Variants in ALDH1A2 observed in about 807,000 individuals in gnomAD.
ALDH1A2 encodes aldehyde dehydrogenase 1 family member A2.
ALDH1A2 carries 27 observed loss-of-function variants against 60.3 expected under a neutral mutation model. The ratio of observed to expected loss-of-function variants is 0.45; its 90% CI spans 0.33 to 0.62. The LOEUF (loss-of-function observed/expected upper bound fraction) is 0.62, where lower values mean the gene tolerates loss of function less well. Among genes scored for constraint, ALDH1A2 ranks in the 20% least tolerant of loss-of-function variants. The pLI, the probability that ALDH1A2 is intolerant of heterozygous loss-of-function variation, is 0.02. For synonymous variants in ALDH1A2, 289 were observed against 232.4 expected, an observed-to-expected ratio of 1.24 and a Z score of -2.21; for missense variants, 581 against 643.8, an observed-to-expected ratio of 0.90 and a Z score of 1.06.
chr15:58,004,245 T>A (rs1471126042), intron 4 of ALDH1A2, among the ~76,000 whole-genome samples: 1 of 151,858 alleles, frequency 6.6e-6, no homozygotes, highest in Non-Finnish European at 1.5e-5. Context: ...GTGAAATCTA[T>A]CCTTTATGGG....
chr15:58,048,557 C>G (rs1375429834), intron 1 of ALDH1A2, among the ~76,000 whole-genome samples: 1 of 151,988 alleles, frequency 6.6e-6, no homozygotes, highest in Non-Finnish European at 1.5e-5. Context: ...GGGATCTGCC[C>G]CTTTCCCAGA....
chr15:58,011,834 A>G (rs186460333), intron 3 of ALDH1A2, among the ~76,000 whole-genome samples: 1 of 152,250 alleles, frequency 6.6e-6, no homozygotes, highest in Non-Finnish European at 1.5e-5. Flanking sequence ...ATATGTTTAC[A>G]AGATAGGCAT....
At chr15:57,981,459 A>C (rs186606979) in intron 7 of ALDH1A2, among the ~76,000 whole-genome samples, 1 of 152,322 alleles carries the variant, frequency 6.6e-6, no homozygotes, top group Non-Finnish European at 1.5e-5. Flanking sequence ...TATTATTTGC[A>C]AATGGAAGTT....
chr15:57,999,573 C>T (rs1895188431), intron 4 of ALDH1A2, among the ~76,000 whole-genome samples: 1 of 151,868 alleles, frequency 6.6e-6, no homozygotes. Flanking sequence ...AATAGGAACA[C>T]TGTTCCTATT....
In ALDH1A2 at chr15:57,992,927, G is replaced by C; in HGVS notation, c.684+18C>G. 1 of 1,614,060 alleles carries C rather than the reference G, an allele frequency of 6.2e-7. No individual in the cohort carries two copies. The highest frequency in any genetic ancestry group is 1.1e-5 in the South Asian group (1 of 91,082). ...TGTAAGGGGAGTCAGAAGCACTCCC[G>C]AAGTCCGTTTCTCTTACCTCCTTGA... On this transcript the variant is annotated intron_variant, in intron 6 of 12. Coordinates refer to ENST00000249750, the MANE Select transcript of ALDH1A2 (RefSeq NM_003888.4).
chr15:57,959,702 G>A (rs1269118730), intron 12 of ALDH1A2, among the ~76,000 whole-genome samples: 1 of 152,180 alleles, frequency 6.6e-6, no homozygotes, highest in Non-Finnish European at 1.5e-5. Context: ...CTTAGATTAA[G>A]TAATTTGTCC....
intron 4 of ALDH1A2, among the ~76,000 whole-genome samples, chr15:58,009,232 C>G (rs1895552740): frequency 6.6e-6 from 1 of 152,064 alleles, no homozygotes; most frequent in Admixed American, 6.6e-5. Context: ...TAACTTGGTT[C>G]TGCTGCATCC....
At chr15:58,016,955 G>T (rs1440199717) in intron 1 of ALDH1A2, among the ~76,000 whole-genome samples, 1 of 152,056 alleles carries the variant, frequency 6.6e-6, no homozygotes. Flanking sequence ...TGCCCATAAT[G>T]GGATAAAGAA....
chr15:57,961,293 A>G lies in ALDH1A2; in HGVS notation c.1253T>C (p.Ile418Thr). The G allele has an allele frequency of 2.5e-6, 4 of 1,613,816 alleles. No individual in the cohort carries two copies. The highest frequency in any genetic ancestry group is 3.4e-6 in the Non-Finnish European group (4 of 1,179,986). Residue 418 changes from isoleucine to threonine, a missense_variant and splice_region_variant, in exon 11 of 13, where the codon ATC becomes ACC. By Grantham distance (89) the Ile-to-Thr change is moderately conservative. Coordinates refer to ENST00000249750, the MANE Select transcript of ALDH1A2 (RefSeq NM_003888.4). The stretch of plus-strand genomic sequence containing the variant: ...CAAAATTTCCTGAACAGGGCCAAAG[A>G]TCTGCAAAAAGATAATATGACTCAA... ...TDDMRIAKEE[I>T]FGPVQEILRF...
At chr15:58,053,201 A>C (rs962247185) in intron 1 of ALDH1A2, among the ~76,000 whole-genome samples, 1 of 152,164 alleles carries the variant, frequency 6.6e-6, no homozygotes, top group Non-Finnish European at 1.5e-5. Flanking sequence ...TAAAGTTCGA[A>C]ATAAACCTAA....
At chr15:58,051,051 T>C (rs1313063773) in intron 1 of ALDH1A2, among the ~76,000 whole-genome samples, 1 of 152,160 alleles carries the variant, frequency 6.6e-6, no homozygotes, top group African/African-American at 2.4e-5. Context: ...TTTTTACATA[T>C]CTGTTGATAT....
chr15:57,995,829 T>C (rs1895043347), intron 4 of ALDH1A2, among the ~76,000 whole-genome samples: 1 of 152,166 alleles, frequency 6.6e-6, no homozygotes, highest in South Asian at 2.1e-4. Flanking sequence ...AACCTTGTTT[T>C]CCTTACAGGA....
intron 4 of ALDH1A2, among the ~76,000 whole-genome samples, chr15:57,999,709 C>T (rs1432064938): frequency 2.6e-5 from 4 of 152,034 alleles, no homozygotes; most frequent in Non-Finnish European, 4.4e-5. Flanking sequence ...AGTCCCATTA[C>T]TGAGTATATA....
At chr15:57,957,800 T>C (rs1211044166) in intron 12 of ALDH1A2, among the ~76,000 whole-genome samples, 1 of 152,128 alleles carries the variant, frequency 6.6e-6, no homozygotes, top group Non-Finnish European at 1.5e-5. Context: ...AGAGTTTCTG[T>C]TTAGGGTATA....
At chr15:57,995,818 T>C (rs962377606) in intron 4 of ALDH1A2, among the ~76,000 whole-genome samples, 2 of 152,148 alleles carry the variant, frequency 1.3e-5, no homozygotes, top group Admixed American at 1.3e-4. Context: ...AAAAACTTAA[T>C]AACCTTGTTT....
chr15:58,039,036 C>G (rs1896447962), intron 1 of ALDH1A2, among the ~76,000 whole-genome samples: 1 of 151,770 alleles, frequency 6.6e-6, no homozygotes, highest in African/African-American at 2.4e-5. Context: ...AGCAGACATT[C>G]ATTCCCCCAC....
At chr15:57,970,065 AAGAC>A (rs766567668) in intron 7 of ALDH1A2, among the ~76,000 whole-genome samples, 16 of 152,338 alleles carry the variant, frequency 1.1e-4, no homozygotes, top group Admixed American at 6.5e-4. Flanking sequence ...GGAGTTAAAA[AAGAC>A]AGACAGGACT....
At chr15:57,994,022 T>A (rs1484912129) in intron 5 of ALDH1A2, among the ~76,000 whole-genome samples, 2 of 152,164 alleles carry the variant, frequency 1.3e-5, no homozygotes, top group East Asian at 3.9e-4. Flanking sequence ...CCATCTACAG[T>A]GTATAAATCT....
At chr15:58,028,733 A>C (rs1439092247) in intron 1 of ALDH1A2, among the ~76,000 whole-genome samples, 3 of 152,170 alleles carry the variant, frequency 2.0e-5, no homozygotes, top group Non-Finnish European at 2.9e-5. Context: ...AAGCAAAAAC[A>C]AAAGCAGGGG....
Sources: gnomAD v4.1 joint callset for allele counts (sites outside exome capture counted in the v4.1 genomes callset) on GRCh38, gnomAD v4.1.1 for gene constraint, MANE v1.5 for transcripts, NCBI Gene and HGNC (gene_info 2026-07-23, HGNC 2026-07-21) for gene names.